Variants in PDLIM1 observed in about 807,000 individuals in gnomAD.
PDLIM1 encodes the protein PDZ and LIM domain protein 1.
A neutral mutation model predicts 35.2 loss-of-function variants in PDLIM1; 25 were observed. The observed-to-expected ratio is 0.71, with a 90% CI of 0.52 to 0.99. The LOEUF is 0.99. Ranked by LOEUF, PDLIM1 falls within the 50% of genes least tolerant of loss-of-function variation. The pLI, the probability that PDLIM1 is intolerant of heterozygous loss-of-function variation, is 0.00. For missense variants in PDLIM1, 363 were observed against 415.3 expected (o/e 0.87, Z 1.09); for synonymous variants, 152 against 154.0 (o/e 0.99, Z 0.10).
chr10:95,244,012 C>CTATG (rs2035198811), intron 5 of PDLIM1, among the ~76,000 whole-genome samples: 1 of 152,054 alleles, frequency 6.6e-6, no homozygotes, highest in Admixed American at 6.6e-5. Context: ...TAAAAGAGTT[C>CTATG]TATGGATGGA....
chr10:95,290,929 C>A lies in PDLIM1; in HGVS notation c.-14G>T. 2 of 1,520,302 alleles carry A rather than the reference C, an allele frequency of 1.3e-6. No individual in the cohort carries two copies. The highest frequency in any genetic ancestry group is 1.7e-4 in the Middle Eastern group (1 of 5,758). 94.2% of individuals were successfully genotyped at this position (1,520,302 alleles called of 1,614,324 possible). ...CTGGGTGGTCATGGCGCGGCTGTGGCGGGCGACGACCCGCGGGGACAGACG... is the reference window on the plus strand; with the variant it reads ...CTGGGTGGTCATGGCGCGGCTGTGGAGGGCGACGACCCGCGGGGACAGACG... On this transcript the variant is annotated 5_prime_UTR_variant, in exon 1 of 7. Transcript: ENST00000329399. The surrounding 1 kb of genome is among the most constrained non-coding windows in gnomAD (Gnocchi z 4.7).
chr10:95,281,676 G>C (rs2035562846), intron 1 of PDLIM1, among the ~76,000 whole-genome samples: 3 of 152,092 alleles, frequency 2.0e-5, no homozygotes, highest in Admixed American at 1.3e-4. Flanking sequence ...TTTTTAAATA[G>C]AGATGGGGTC....
intron 1 of PDLIM1, among the ~76,000 whole-genome samples, chr10:95,289,344 T>C (rs1245983748): frequency 2.6e-5 from 4 of 152,116 alleles, no homozygotes; most frequent in Non-Finnish European, 5.9e-5. Flanking sequence ...GGGACGATTC[T>C]GGGGAAGGCA....
chr10:95,268,586 G>A lies in PDLIM1; in HGVS notation c.333+192C>T, dbSNP rs551828410. 3.3e-5 allele frequency among the ~76,000 whole-genome samples: 5 copies of A among 152,242 alleles called. No homozygotes were observed. The South Asian group carries it at 1.0e-3, about 32-fold the overall frequency. On this transcript the variant is annotated intron_variant, in intron 3 of 6. Transcript: ENST00000329399. ...GCCCAGGACACAGCGTCACTGCCCT[G>A]GGGTTTTCCAGCCCTATCCTCCTGC...
Position 95,290,994 on chromosome 10 carries a change from G to C in PDLIM1, c.-79C>G. Reference sequence around the variant, plus strand: ...AACAGCTTGCAGGGCACCCCCGGCGGCTGTCGGAGAAAGAGCGGCGCGGCG... The same window carrying C: ...AACAGCTTGCAGGGCACCCCCGGCGCCTGTCGGAGAAAGAGCGGCGCGGCG... On this transcript the variant is annotated 5_prime_UTR_variant, in exon 1 of 7. Coordinates refer to ENST00000329399, the MANE Select transcript of PDLIM1 (RefSeq NM_020992.4). This position sits in a 1 kb window ranked among gnomAD's most constrained non-coding sequence, Gnocchi z 4.7. The C allele has an allele frequency of 3.6e-6, 3 of 826,136 alleles. No individual in the cohort carries two copies. The highest frequency in any genetic ancestry group is 5.3e-6 in the Non-Finnish European group (3 of 569,984). The allele number at this position is 826,136 out of a possible 1,614,324, so 51.2% of individuals were successfully genotyped here.
rs1188197418 is a variant in PDLIM1 at position 95,271,795 on chromosome 10, AGG to A, written c.97-13_97-12del. The stretch of plus-strand genomic sequence containing the variant: ...GCTTCCAGGAGTGACCTAGAAAAAA[AGG>A]GGAAAGCAGGCTAGTTACTATTTGT... On this transcript the variant is annotated splice_polypyrimidine_tract_variant and intron_variant, in intron 1 of 6. Coordinates refer to ENST00000329399, the MANE Select transcript of PDLIM1 (RefSeq NM_020992.4). The A allele has an allele frequency of 2.5e-6, 4 of 1,604,580 alleles. No homozygotes were observed. In the African/African-American group the frequency reaches 5.4e-5, roughly 22 times the overall value.
At chr10:95,284,658 T>C (rs1034496177) in intron 1 of PDLIM1, among the ~76,000 whole-genome samples, 2 of 152,144 alleles carry the variant, frequency 1.3e-5, no homozygotes, top group African/African-American at 4.8e-5. Context: ...CCAGCCTCTG[T>C]ATGCATTTTC....
intron 1 of PDLIM1, among the ~76,000 whole-genome samples, chr10:95,286,516 A>G (rs562102130): frequency 4.8e-4 from 73 of 152,294 alleles, no homozygotes; most frequent in African/African-American, 1.7e-3. Flanking sequence ...ATCACCCACC[A>G]AGGTGCTCCG....
chr10:95,271,582 A>G (rs1280324307), intron 2 of PDLIM1, 51 bp downstream of exon 2: 4 of 1,522,894 alleles, frequency 2.6e-6, no homozygotes, highest in African/African-American at 1.4e-5. Context: ...CCCTGCCCAC[A>G]AACAGCTTCT....
chr10:95,289,072 TA>T (rs1225829303), intron 1 of PDLIM1, among the ~76,000 whole-genome samples: 1 of 152,234 alleles, frequency 6.6e-6, no homozygotes, highest in Non-Finnish European at 1.5e-5. Context: ...TAAAAGCAGC[TA>T]AAGTGAAAGG....
In PDLIM1 at chr10:95,237,917, C is replaced by G. The variant is rs1356946225; in HGVS notation, c.*8G>C. On this transcript the variant is annotated 3_prime_UTR_variant, in exon 7 of 7. Transcript: ENST00000329399. ...GCCTGCTGGAGAACAGTGGTCAGATCTGCTGGCTCACTTGGGGAACACAGT... is the reference window on the plus strand; with the variant it reads ...GCCTGCTGGAGAACAGTGGTCAGATGTGCTGGCTCACTTGGGGAACACAGT... The G allele has an allele frequency of 6.2e-7, 1 of 1,612,890 alleles. No homozygotes were observed. Among genetic ancestry groups the G allele is most frequent in the East Asian group, 2.2e-5 (1 of 44,872 alleles).
At position 95,254,033 on chromosome 10, in the gene PDLIM1, AT is replaced by A. The variant is rs1193398004; in HGVS notation, c.534-6668del. On this transcript the variant is annotated intron_variant, in intron 4 of 6. Coordinates refer to ENST00000329399, the MANE Select transcript of PDLIM1 (RefSeq NM_020992.4). ...AAATAAAAATGTTATTCTAAAAAAA[AT>A]GATGTCAAATAACCCACAGGAAAGC... Among the ~76,000 whole-genome samples, 7 of 152,368 alleles carry A rather than the reference AT, an allele frequency of 4.6e-5. No individual in the cohort carries two copies. The East Asian group carries it at 9.6e-4, about 21-fold the overall frequency.
At chr10:95,280,393 T>A (rs1015410464) in intron 1 of PDLIM1, among the ~76,000 whole-genome samples, 42 of 152,092 alleles carry the variant, frequency 2.8e-4, no homozygotes, top group African/African-American at 1.0e-3. Context: ...TAAAAAAAAA[T>A]TTAAAAACTC....
At chr10:95,276,921 A>AAAC (rs1564605476) in intron 1 of PDLIM1, among the ~76,000 whole-genome samples, 10 of 132,720 alleles carry the variant, frequency 7.5e-5, no homozygotes, top group East Asian at 4.0e-4. Flanking sequence ...AAAAAAAAAA[A>AAAC]AAACTTCTGG....
intron 1 of PDLIM1, among the ~76,000 whole-genome samples, chr10:95,286,832 G>A (rs1348856296): frequency 6.6e-6 from 1 of 152,204 alleles, no homozygotes; most frequent in South Asian, 2.1e-4. Context: ...TGGAGCAAGA[G>A]TTAAGGCATG....
chr10:95,238,149 C>T, intron 6 of PDLIM1, 38 bp from the exon 7 acceptor site: 1 of 1,584,424 alleles, frequency 6.3e-7, no homozygotes, highest in Middle Eastern at 1.7e-4. Context: ...CCATCAGTGA[C>T]AAGCACCTGC....
intron 3 of PDLIM1, among the ~76,000 whole-genome samples, chr10:95,266,534 C>G (rs1363539670): frequency 6.6e-6 from 1 of 152,108 alleles, no homozygotes; most frequent in Non-Finnish European, 1.5e-5. Context: ...AGGAATACCC[C>G]TCTAAGCCCA....
At chr10:95,265,394 AGACCAGCCT>A (rs2035404837) in intron 3 of PDLIM1, among the ~76,000 whole-genome samples, 1 of 151,972 alleles carries the variant, frequency 6.6e-6, no homozygotes, top group African/African-American at 2.4e-5. Flanking sequence ...CCGGAGTTCA[AGACCAGCCT>A]GACCAACATG....
At chr10:95,286,563 G>A (rs2035603640) in intron 1 of PDLIM1, among the ~76,000 whole-genome samples, 1 of 152,148 alleles carries the variant, frequency 6.6e-6, no homozygotes, top group African/African-American at 2.4e-5. Context: ...CCTGGACATT[G>A]TACCAGGCCC....
Sources: gnomAD v4.1 joint callset for allele counts (sites outside exome capture counted in the v4.1 genomes callset) on GRCh38, gnomAD v4.1.1 for gene constraint, Gnocchi (gnomAD v3.1) non-coding constraint, MANE v1.5 for transcripts, NCBI Gene and HGNC (gene_info 2026-07-23, HGNC 2026-07-21) for gene names.